The following MID1 variants were observed in gnomAD, a reference collection of about 807,000 sequenced individuals.
The protein encoded by MID1 is midline 1, also known as E3 ubiquitin-protein ligase Midline-1.
Under a neutral mutation model 40.4 loss-of-function variants are expected in MID1, and 7 were observed. The observed-to-expected ratio is 0.17, with a 90% confidence interval of 0.10 to 0.33. The LOEUF (loss-of-function observed/expected upper bound fraction) is 0.33, where lower values mean the gene tolerates loss of function less well. MID1 is among the 10% of genes least tolerant of loss of function. The probability of loss-of-function intolerance (pLI) is 1.00; values close to 1 mark genes in which losing one functional copy is unlikely to be tolerated. For missense variants in MID1, 367 were observed against 558.5 expected (o/e 0.66, Z 3.46); for synonymous variants, 229 against 221.2 (o/e 1.04, Z -0.31).
chrX:10,456,246 A>AGC (rs1212182760), intron 8 of MID1, among the ~76,000 whole-genome samples: 6 of 112,418 alleles, frequency 5.3e-5, no homozygotes, highest in African/African-American at 1.3e-4. Flanking sequence ...ATACAAACAC[A>AGC]ACACAACACC....
At chrX:10,584,674 A>G (rs2147497506) in intron 1 of MID1, among the ~76,000 whole-genome samples, 1 of 112,937 alleles carries the variant, frequency 8.9e-6, no homozygotes, top group South Asian at 3.7e-4. Context: ...ATCAAAAAGC[A>G]TCTCAAAATA....
intron 3 of MID1, among the ~76,000 whole-genome samples, chrX:10,497,622 T>C (rs908354607): frequency 4.5e-5 from 5 of 112,095 alleles, no homozygotes; most frequent in Non-Finnish European, 9.4e-5. Context: ...CCACGTGACA[T>C]TGGGAGTTGA....
chrX:10,766,908 CAAA>C (rs61259004), intron 1 of MID1, among the ~76,000 whole-genome samples: 10 of 57,293 alleles, frequency 1.7e-4, no homozygotes, highest in African/African-American at 1.0e-4. Context: ...GACCCTGCCT[CAAA>C]AAAAAAAAAA....
chrX:10,773,778 G>T (rs1411227743), intron 1 of MID1, among the ~76,000 whole-genome samples: 2 of 112,328 alleles, frequency 1.8e-5, no homozygotes, highest in African/African-American at 6.5e-5. Flanking sequence ...GAAGAGTCAA[G>T]TTGATATAGG....
At chrX:10,553,683 T>C (rs1291546540) in intron 2 of MID1, among the ~76,000 whole-genome samples, 1 of 112,212 alleles carries the variant, frequency 8.9e-6, no homozygotes, top group African/African-American at 3.2e-5. Flanking sequence ...AGAGAAACTA[T>C]TGAGTATTGG....
chrX:10,665,728 A>C (rs943840309), intron 1 of MID1, among the ~76,000 whole-genome samples: 1 of 108,766 alleles, frequency 9.2e-6, no homozygotes, highest in Admixed American at 9.9e-5. Flanking sequence ...AGGTCTTGCC[A>C]TATTGCTTGG....
Position 10,685,937 on chromosome X carries a change from G to T in MID1, c.-186-65518C>A, listed in dbSNP as rs148633525. ...ACACACACTCACCCCTACCTGTGTA[G>T]TACAAGATGGAAAGAAATAGGGTGG... On this transcript the variant is annotated intron_variant, in intron 1 of 10. Coordinates refer to the MID1 transcript ENST00000380785. Among the ~76,000 whole-genome samples the T allele has an allele frequency of 2.9e-3, 300 of 104,892 alleles. 3 individuals carry two copies. Among genetic ancestry groups the T allele is most frequent in the Non-Finnish European group, 4.9e-3 (254 of 51,773 alleles). The allele number at this position is 104,892 out of a possible 115,157, so 91.1% of individuals were successfully genotyped here.
intron 2 of MID1, among the ~76,000 whole-genome samples, chrX:10,529,853 T>G (rs911710106): frequency 7.1e-5 from 8 of 112,448 alleles, no homozygotes; most frequent in African/African-American, 2.3e-4. Context: ...CAATGATATT[T>G]CCAATTAGCA....
intron 3 of MID1, among the ~76,000 whole-genome samples, chrX:10,499,111 G>A (rs762193010): frequency 5.4e-5 from 6 of 111,816 alleles, no homozygotes; most frequent in Middle Eastern, 4.6e-3. Flanking sequence ...GCTTGTTATC[G>A]TATGTCTTTT....
intron 1 of MID1, among the ~76,000 whole-genome samples, chrX:10,676,749 A>G (rs886754491): frequency 9.0e-6 from 1 of 111,357 alleles, no homozygotes. Context: ...GAGGGGTGGA[A>G]GGGGGGTGTT....
In MID1 at chrX:10,493,331, A is replaced by T. The variant is rs757228574; in HGVS notation, c.864+2253T>A. On this transcript the variant is annotated intron_variant, in intron 4 of 9. Coordinates refer to ENST00000317552, the MANE Select transcript of MID1 (RefSeq NM_000381.4). ...CTACCTGTAAGAGCTAGAAAAGGCAAGAAAAAATGGATTTTCCCCTAAAGC... is the reference window on the plus strand; with the variant it reads ...CTACCTGTAAGAGCTAGAAAAGGCATGAAAAAATGGATTTTCCCCTAAAGC... Among the ~76,000 whole-genome samples, 3 of 111,758 alleles carry T rather than the reference A, an allele frequency of 2.7e-5. No homozygotes were observed. In the East Asian group the frequency reaches 8.5e-4, roughly 32 times the overall value.
chrX:10,632,709 T>C (rs1382696407), intron 1 of MID1, among the ~76,000 whole-genome samples: 3 of 111,380 alleles, frequency 2.7e-5, no homozygotes, highest in Non-Finnish European at 5.7e-5. Flanking sequence ...GAAATGCTTC[T>C]GTATATCAGG....
chrX:10,474,514 C>G, intron 6 of MID1, 109 bp downstream of exon 6: 1 of 817,754 alleles, frequency 1.2e-6, no homozygotes. Flanking sequence ...CAGTGCCATT[C>G]CTAGGTCAAA....
chrX:10,691,895 G>A (rs1364219076), intron 1 of MID1, among the ~76,000 whole-genome samples: 1 of 111,500 alleles, frequency 9.0e-6, no homozygotes. Context: ...CATTCCTTGG[G>A]GGAGGTCTAT....
At chrX:10,738,861 C>T (rs1465394010) in intron 1 of MID1, among the ~76,000 whole-genome samples, 1 of 107,887 alleles carries the variant, frequency 9.3e-6, no homozygotes, top group African/African-American at 3.4e-5. Flanking sequence ...TTACTAATTT[C>T]ATTATTTCAT....
intron 2 of MID1, among the ~76,000 whole-genome samples, chrX:10,542,823 A>G (rs1933525824): frequency 8.9e-6 from 1 of 112,250 alleles, no homozygotes; most frequent in Non-Finnish European, 1.9e-5. Context: ...ATTAGAAGGC[A>G]ACATCATAAT....
At chrX:10,590,230 C>T (rs1048798752) in intron 1 of MID1, among the ~76,000 whole-genome samples, 2 of 111,805 alleles carry the variant, frequency 1.8e-5, no homozygotes, top group Non-Finnish European at 3.8e-5. Context: ...TCCTTGGTTT[C>T]GCGTCTGGTT....
chrX:10,546,186 G>T (rs1256736886), intron 2 of MID1, among the ~76,000 whole-genome samples: 1 of 111,846 alleles, frequency 8.9e-6, no homozygotes, highest in African/African-American at 3.3e-5. Flanking sequence ...GCCTTTTACT[G>T]CATGGAGTTT....
Position 10,542,705 on chromosome X carries a change from C to T in MID1, c.661-19518G>A, listed in dbSNP as rs7052870. On this transcript the variant is annotated intron_variant, in intron 2 of 9. Coordinates refer to ENST00000317552, the MANE Select transcript of MID1 (RefSeq NM_000381.4). ...CTTTGTGCTAATCTTAGTGTCTTCC[C>T]ATCCCTGACTAGGATCAATAAATGT... is the stretch of plus-strand genomic sequence containing the variant. Among the ~76,000 whole-genome samples, 140 of 111,762 alleles carry T rather than the reference C, an allele frequency of 1.3e-3. 1 individual carries two copies. The highest frequency in any genetic ancestry group is 4.3e-3 in the African/African-American group (131 of 30,780).
Sources: allele counts gnomAD v4.1 joint callset (sites outside exome capture counted in the v4.1 genomes callset), GRCh38; gene constraint gnomAD v4.1.1; transcripts MANE v1.5; gene names NCBI Gene and HGNC (gene_info 2026-07-23, HGNC 2026-07-21).